PPP1R42: variants seen among roughly 807,000 people sequenced by gnomAD.
PPP1R42 encodes the protein leucine rich repeat containing 67.
Under a neutral mutation model 31.0 loss-of-function variants are expected in PPP1R42, and 34 were observed. The observed-to-expected ratio is 1.10, with a 90% CI of 0.83 to 1.46. The LOEUF is 1.46. Among genes scored for constraint, PPP1R42 ranks in the 40% most tolerant of loss-of-function variants. PPP1R42 has a pLI of 0.00. For synonymous variants in PPP1R42, 103 were observed against 109.8 expected (o/e 0.94, Z 0.39); for missense variants, 268 against 303.0 (o/e 0.88, Z 0.86).
At chr8:66,979,152 C>T (rs1203568064) in intron 7 of PPP1R42, among the ~76,000 whole-genome samples, 2 of 152,034 alleles carry the variant, frequency 1.3e-5, no homozygotes, top group Non-Finnish European at 2.9e-5. Context: ...GAAGCATTTC[C>T]TCTGTTTTCT....
chr8:67,017,712 G>T lies in PPP1R42; in HGVS notation c.36C>A (p.Asn12Lys). 1 of 1,599,082 alleles carries T rather than the reference G, an allele frequency of 6.3e-7. No individual in the cohort carries two copies. Among genetic ancestry groups the T allele is most frequent in the Non-Finnish European group, 8.5e-7 (1 of 1,173,286 alleles). The part of the protein sequence containing the change: ...VRLTLDLIAR[N>K]SNLKPRKEET... ...CTTCTTTTCGGGGTTTAAGATTGCT[G>T]TTTCTGGCAATTAGATCCAAGGTCA... Residue 12 changes from asparagine to lysine, a missense_variant, in exon 2 of 8, where the codon AAC (asparagine) becomes AAA (lysine). Physicochemically the swap from Asn to Lys is moderately conservative, Grantham distance 94. Coordinates refer to ENST00000685739, the MANE Select transcript of PPP1R42 (RefSeq NM_001364910.1).
chr8:66,983,137 A>G (rs1814895731), intron 6 of PPP1R42, among the ~76,000 whole-genome samples: 1 of 152,224 alleles, frequency 6.6e-6, no homozygotes, highest in Non-Finnish European at 1.5e-5. Flanking sequence ...CAAAAAATAA[A>G]AAAATTATTC....
intron 5 of PPP1R42, among the ~76,000 whole-genome samples, chr8:66,994,562 G>C (rs559585682): frequency 4.6e-5 from 7 of 152,230 alleles, no homozygotes; most frequent in African/African-American, 1.7e-4. Context: ...TACAAAATGT[G>C]TCTTCTATGC....
chr8:67,028,334 C>T (rs566125390), intron 1 of PPP1R42, among the ~76,000 whole-genome samples, 157 bp downstream of exon 1: 31 of 152,356 alleles, frequency 2.0e-4, no homozygotes, highest in African/African-American at 6.7e-4. Flanking sequence ...CACAGACTTC[C>T]AGACTATTTT....
intron 5 of PPP1R42, among the ~76,000 whole-genome samples, chr8:67,004,321 T>G (rs1815605444): frequency 3.9e-5 from 6 of 152,206 alleles, no homozygotes; most frequent in Admixed American, 3.9e-4. Context: ...CCTCCAGCAC[T>G]TCCAGAAGTA....
chr8:66,972,938 T>G (rs1433436203), intron 7 of PPP1R42, among the ~76,000 whole-genome samples: 1 of 152,214 alleles, frequency 6.6e-6, no homozygotes, highest in Non-Finnish European at 1.5e-5. Context: ...CTGTGCCCCC[T>G]GCTAGCTTTG....
intron 1 of PPP1R42, among the ~76,000 whole-genome samples, chr8:67,028,251 G>C (rs991652484): frequency 6.6e-6 from 1 of 151,876 alleles, no homozygotes; most frequent in African/African-American, 2.4e-5. Flanking sequence ...TCAGCCCCGC[G>C]ACCACCCCTC....
At chr8:66,988,045 C>G in intron 6 of PPP1R42, 1 of 662,470 alleles carries the variant, frequency 1.5e-6, no homozygotes, top group Non-Finnish European at 1.9e-6. Context: ...ATTTTATCTA[C>G]AGAACCAAGA....
intron 5 of PPP1R42, among the ~76,000 whole-genome samples, chr8:66,993,621 C>A (rs750511071): frequency 3.3e-5 from 5 of 152,218 alleles, no homozygotes; most frequent in Non-Finnish European, 7.3e-5. Flanking sequence ...AGATCCCTCT[C>A]TTATAATAGG....
chr8:66,982,028 A>T (rs1230276758), intron 7 of PPP1R42, 21 bp downstream of exon 7: 1 of 1,369,194 alleles, frequency 7.3e-7, no homozygotes. Context: ...GCAGTCACCT[A>T]ATGAGTGACA....
At chr8:66,975,082 C>A (rs117406298) in intron 7 of PPP1R42, among the ~76,000 whole-genome samples, 2 of 152,076 alleles carry the variant, frequency 1.3e-5, no homozygotes, top group African/African-American at 2.4e-5. Context: ...TTTGGTCTTA[C>A]GGATATTTTA....
chr8:66,984,053 G>C (rs751937060), intron 6 of PPP1R42: 154 of 1,326,784 alleles, frequency 1.2e-4, no homozygotes, highest in Non-Finnish European at 1.6e-4. Context: ...CATACAAGTG[G>C]GAGTGGGTTG....
chr8:66,971,116 A>G (rs1472608361), intron 7 of PPP1R42: 7 of 1,525,604 alleles, frequency 4.6e-6, no homozygotes, highest in Middle Eastern at 3.4e-4. Flanking sequence ...AACAGGAACT[A>G]TATGATGCAT....
chr8:67,011,085 G>A, intron 4 of PPP1R42, among the ~76,000 whole-genome samples: 1 of 150,078 alleles, frequency 6.7e-6, no homozygotes, highest in African/African-American at 2.5e-5. Context: ...TCTTTTCCAA[G>A]ATACAAAATA....
chr8:67,014,807 T>C (rs1168381133), intron 2 of PPP1R42, among the ~76,000 whole-genome samples: 1 of 152,182 alleles, frequency 6.6e-6, no homozygotes, highest in Non-Finnish European at 1.5e-5. Flanking sequence ...ATTCTGTAAT[T>C]ATATCAATAA....
chr8:66,973,673 C>A (rs919731628), intron 7 of PPP1R42, among the ~76,000 whole-genome samples: 4 of 152,062 alleles, frequency 2.6e-5, no homozygotes, highest in African/African-American at 9.7e-5. Context: ...GGTACAATAT[C>A]GTATAGTAGA....
chr8:67,012,967 A>G lies in PPP1R42; in HGVS notation c.426T>C (p.His142=), dbSNP rs748120392. 6.3e-7 allele frequency: 1 copy of G among 1,599,204 alleles called. No individual in the cohort carries two copies. The highest frequency in any genetic ancestry group is 1.8e-5 in the Admixed American group (1 of 55,322). ...TCAAATGTGAACTTACTGCCAGAGAATGAAGAGTTCTTGGATCAAACAGAA... is the reference window on the plus strand; with the variant it reads ...TCAAATGTGAACTTACTGCCAGAGAGTGAAGAGTTCTTGGATCAAACAGAA... The part of the protein sequence containing the change: ...EKLLFDPRTL[H]SLAKSLCILN... Residue 142 remains histidine, a synonymous_variant, in exon 4 of 8, where the codon CAT becomes CAC. Coordinates refer to ENST00000685739, the MANE Select transcript of PPP1R42 (RefSeq NM_001364910.1).
At chr8:66,999,603 G>T (rs113071808) in intron 5 of PPP1R42, among the ~76,000 whole-genome samples, 5,297 of 152,204 alleles carry the variant, frequency 0.035, 191 homozygotes, top group African/African-American at 0.079. Flanking sequence ...GCTCAGCTTG[G>T]CCTCCTGAAG....
intron 5 of PPP1R42, among the ~76,000 whole-genome samples, chr8:66,997,852 TG>T (rs1441120661): frequency 1.3e-5 from 2 of 152,214 alleles, no homozygotes; most frequent in Non-Finnish European, 2.9e-5. Flanking sequence ...ATGCCTGTGA[TG>T]GTTTTACCAA....
Sources: allele counts gnomAD v4.1 joint callset (sites outside exome capture counted in the v4.1 genomes callset), GRCh38; gene constraint gnomAD v4.1.1; transcripts MANE v1.5; gene names NCBI Gene and HGNC (gene_info 2026-07-23, HGNC 2026-07-21).